DAB1: variants seen among roughly 807,000 people sequenced by gnomAD.
The protein encoded by DAB1 is disabled homolog 1.
DAB1 carries 15 observed loss-of-function variants against 64.6 expected under a neutral mutation model. That is an observed-to-expected ratio of 0.23 (90% CI 0.16 to 0.36). The LOEUF (loss-of-function observed/expected upper bound fraction) is 0.36. DAB1 is among the 10% of genes least tolerant of loss of function. The pLI, the probability that DAB1 is intolerant of heterozygous loss-of-function variation, is 1.00. For synonymous variants in DAB1, 235 were observed against 251.9 expected (o/e 0.93, Z 0.64); for missense variants, 596 against 706.7 (o/e 0.84, Z 1.78).
chr1:58,469,829 G>A (rs535208790), intron 3 of DAB1, among the ~76,000 whole-genome samples: 2 of 152,250 alleles, frequency 1.3e-5, no homozygotes, highest in East Asian at 3.9e-4. Context: ...ATAGATGGAT[G>A]GAGTTCCTTG....
Position 57,439,418 on chromosome 1 carries a change from G to GTTTTTTTTTTTTTTTTTTTTTTGTT in DAB1, n.626-148253_626-148252insAACAAAAAAAAAAAAAAAAAAAAAA. 1.5e-3 allele frequency among the ~76,000 whole-genome samples: 178 copies of GTTTTTTTTTTTTTTTTTTTTTTGTT among 115,932 alleles called. 7 individuals are homozygous for GTTTTTTTTTTTTTTTTTTTTTTGTT. Among genetic ancestry groups the GTTTTTTTTTTTTTTTTTTTTTTGTT allele is most frequent in the South Asian group, 6.5e-3 (20 of 3,084 alleles). The allele number at this position is 115,932 out of a possible 152,430, so 76.1% of individuals were successfully genotyped here. On this transcript the variant is annotated intron_variant and non_coding_transcript_variant, in intron 7 of 20. Transcript: ENST00000485760. ...GCCATGCCATCAACTTGGTGATGAGGTTTTTTCTTTTTTTTTTTTTTTTTT... is the reference window on the plus strand; with the variant it reads ...GCCATGCCATCAACTTGGTGATGAGGTTTTTTTTTTTTTTTTTTTTTTGTTTTTTTTCTTTTTTTTTTTTTTTTTT...
At chr1:57,603,695 T>A (rs923697745) in intron 7 of DAB1, among the ~76,000 whole-genome samples, 2 of 152,202 alleles carry the variant, frequency 1.3e-5, no homozygotes, top group Non-Finnish European at 2.9e-5. Flanking sequence ...TAAGATCAAG[T>A]TTACACAAGA....
At chr1:57,364,874 G>T (rs1022985503) in intron 1 of DAB1, among the ~76,000 whole-genome samples, 25 of 149,020 alleles carry the variant, frequency 1.7e-4, no homozygotes, top group Admixed American at 4.7e-4. Context: ...TATATATAGA[G>T]AGAGAAAGAC....
At chr1:57,265,992 G>A (rs1670562280) in intron 2 of DAB1, among the ~76,000 whole-genome samples, 3 of 152,146 alleles carry the variant, frequency 2.0e-5, no homozygotes, top group Non-Finnish European at 2.9e-5. Flanking sequence ...ACTTACCCAT[G>A]GCTGTTGAGT....
chr1:58,511,776 G>C (rs1646081051), intron 2 of DAB1, among the ~76,000 whole-genome samples: 1 of 151,952 alleles, frequency 6.6e-6, no homozygotes, highest in African/African-American at 2.4e-5. Flanking sequence ...AACTAAAAAT[G>C]GATTAAAGAT....
chr1:57,365,805 T>C (rs1679951171), intron 1 of DAB1, among the ~76,000 whole-genome samples: 2 of 152,206 alleles, frequency 1.3e-5, no homozygotes, highest in South Asian at 4.1e-4. Flanking sequence ...CAGACATTTA[T>C]ACGGGCAGAA....
At chr1:58,327,599 AT>A (rs1662863354) in intron 4 of DAB1, among the ~76,000 whole-genome samples, 1 of 152,120 alleles carries the variant, frequency 6.6e-6, no homozygotes, top group Non-Finnish European at 1.5e-5. Flanking sequence ...GTAATTAGCT[AT>A]GGGGATGCGA....
At chr1:58,266,716 T>G (rs1471593553) in intron 4 of DAB1, among the ~76,000 whole-genome samples, 1 of 152,174 alleles carries the variant, frequency 6.6e-6, no homozygotes, top group Non-Finnish European at 1.5e-5. Flanking sequence ...AGCAGAGAAT[T>G]GGAGGATTTT....
chr1:57,887,215 C>A (rs550364725), upstream of DAB1, among the ~76,000 whole-genome samples: 1 of 152,244 alleles, frequency 6.6e-6, no homozygotes, highest in South Asian at 2.1e-4. Flanking sequence ...ACCCTTTATA[C>A]CCAGTTGTTT....
At chr1:58,328,388 C>T (rs1032854980) in intron 4 of DAB1, among the ~76,000 whole-genome samples, 8 of 152,206 alleles carry the variant, frequency 5.3e-5, no homozygotes, top group East Asian at 1.9e-4. Context: ...TCTAAGCCTC[C>T]GCACTGTCCC....
chr1:57,917,944 T>C (rs1644751413), intron 5 of DAB1, among the ~76,000 whole-genome samples: 1 of 152,094 alleles, frequency 6.6e-6, no homozygotes. Context: ...GGTGGGAGCC[T>C]GTAATCCCAG....
At chr1:58,284,024 C>CG (rs869159599) in intron 4 of DAB1, among the ~76,000 whole-genome samples, 19 of 1,110 alleles carry the variant, frequency 0.017, no homozygotes, top group African/African-American at 0.051. Flanking sequence ...GGAAAACCCA[C>CG]CTTTTCTTGC....
At chr1:57,966,503 C>T (rs12036740) in intron 5 of DAB1, among the ~76,000 whole-genome samples, 5,783 of 152,266 alleles carry the variant, frequency 0.038, 200 homozygotes, top group East Asian at 0.12. Context: ...GGACTTTTCA[C>T]CTCAGCTCAC....
In DAB1 at chr1:57,669,240, C is replaced by A. The variant is rs1039774256; in HGVS notation, n.552-19575G>T. Among the ~76,000 whole-genome samples the A allele has an allele frequency of 1.3e-3, 203 of 152,208 alleles. 1 individual carries two copies. The highest frequency in any genetic ancestry group is 4.2e-3 in the African/African-American group (173 of 41,546). On this transcript the variant is annotated intron_variant and non_coding_transcript_variant, in intron 6 of 20. Coordinates refer to the DAB1 transcript ENST00000485760. ...GAGACAGGAAGAGAGAGTTTTTTTA[C>A]TGACGGAATCCAATACAATTTTAGT...
At position 57,421,906 on chromosome 1, in the gene DAB1, G is replaced by C. The variant is rs1409295492; in HGVS notation, c.-137+2024C>G. 3.5e-4 allele frequency among the ~76,000 whole-genome samples: 35 copies of C among 101,002 alleles called. 1 individual carries two copies. The highest frequency in any genetic ancestry group is 9.8e-4 in the African/African-American group (24 of 24,450). 66.3% of individuals were successfully genotyped at this position (101,002 alleles called of 152,430 possible). A position where few individuals can be genotyped will look rare whatever the true frequency, so the allele number is the denominator to read the frequency against. ...AGTGAAAGAGATGGGGGGTGGCGGG[G>C]GGGGGGGTGGCGGGGGGGGGTGCCT... On this transcript the variant is annotated intron_variant, in intron 1 of 14. Coordinates refer to ENST00000371236, the MANE Select transcript of DAB1 (RefSeq NM_001365792.1).
At chr1:58,079,932 T>G (rs1010792022) in intron 5 of DAB1, 2 of 152,210 alleles carry the variant, frequency 1.3e-5, no homozygotes, top group African/African-American at 4.8e-5. Context: ...CATAGGTGCT[T>G]CATAAGTGTT....
At chr1:57,530,344 T>C (rs541137829) in intron 7 of DAB1, among the ~76,000 whole-genome samples, 2 of 152,320 alleles carry the variant, frequency 1.3e-5, no homozygotes, top group African/African-American at 4.8e-5. Context: ...AATTGTGACA[T>C]ACCATTTCCC....
intron 3 of DAB1, among the ~76,000 whole-genome samples, chr1:58,498,447 A>G (rs1236235408): frequency 6.6e-6 from 1 of 152,170 alleles, no homozygotes; most frequent in Admixed American, 6.5e-5. Context: ...TCTAAAAGCA[A>G]GCATATACTT....
At chr1:57,290,248 GA>G (rs368971894) in intron 2 of DAB1, among the ~76,000 whole-genome samples, 1,642 of 142,440 alleles carry the variant, frequency 0.012, 32 homozygotes, top group East Asian at 0.084. Context: ...GTCAGTTCAG[GA>G]AAAAAAAAAA....
Sources: allele counts gnomAD v4.1 joint callset (sites outside exome capture counted in the v4.1 genomes callset), GRCh38; gene constraint gnomAD v4.1.1; transcripts MANE v1.5; gene names NCBI Gene and HGNC (gene_info 2026-07-23, HGNC 2026-07-21).